Variants in IL10RB observed in about 807,000 individuals in gnomAD.
IL10RB encodes the protein interleukin-10 receptor subunit beta.
IL10RB carries 30 observed loss-of-function variants against 38.7 expected under a neutral mutation model. The ratio of observed to expected loss-of-function variants is 0.78; its 90% confidence interval spans 0.58 to 1.05. The LOEUF (loss-of-function observed/expected upper bound fraction) is 1.05, where lower values mean the gene tolerates loss of function less well. Ranked by LOEUF, IL10RB falls within the 50% of genes least tolerant of loss-of-function variation. IL10RB has a pLI of 0.00. For synonymous variants in IL10RB, 142 were observed against 145.9 expected (o/e 0.97, Z 0.19); for missense variants, 328 against 397.1 (o/e 0.83, Z 1.48).
chr21:33,307,509 C>G (rs1234357807), intron 1 of IL10RB, among the ~76,000 whole-genome samples: 4 of 152,154 alleles, frequency 2.6e-5, no homozygotes, highest in Non-Finnish European at 5.9e-5. Context: ...AATAAACCAC[C>G]CTTTACCGAC....
chr21:33,299,419 C>G (rs1251634065), downstream of IL10RB, among the ~76,000 whole-genome samples: 3 of 152,186 alleles, frequency 2.0e-5, no homozygotes, highest in Non-Finnish European at 4.4e-5. Context: ...AAACATATGT[C>G]CAGTTGGTTT....
intron 1 of IL10RB, among the ~76,000 whole-genome samples, chr21:33,303,523 T>C (rs1260589144): frequency 6.6e-6 from 1 of 152,050 alleles, no homozygotes; most frequent in Admixed American, 6.6e-5. Context: ...CCTAGCTAAC[T>C]TTTGTATTTT....
intron 6 of IL10RB, among the ~76,000 whole-genome samples, chr21:33,295,225 G>T (rs557656296): frequency 3.9e-5 from 6 of 152,236 alleles, no homozygotes; most frequent in Non-Finnish European, 8.8e-5. Flanking sequence ...AGGCAAGGTG[G>T]TGGGCGCCTA....
At chr21:33,280,380 C>T (rs1479709517) in intron 4 of IL10RB, among the ~76,000 whole-genome samples, 1 of 152,160 alleles carries the variant, frequency 6.6e-6, no homozygotes, top group African/African-American at 2.4e-5. Flanking sequence ...CGGAATATCA[C>T]CCGTGCCACC....
chr21:33,270,795 C>T (rs1266524168), intron 2 of IL10RB, among the ~76,000 whole-genome samples: 1 of 152,048 alleles, frequency 6.6e-6, no homozygotes, highest in Non-Finnish European at 1.5e-5. Context: ...CTGCCTCAGC[C>T]TCCTGAGTAG....
At chr21:33,276,567 CTGAT>C in intron 2 of IL10RB, 25 bp from the exon 3 acceptor site, 1 of 1,604,406 alleles carries the variant, frequency 6.2e-7, no homozygotes, top group Non-Finnish European at 8.5e-7. Flanking sequence ...CAGAACTCTC[CTGAT>C]TGACCTATCT....
downstream of IL10RB, among the ~76,000 whole-genome samples, chr21:33,298,895 TC>T (rs1202609511): frequency 8.5e-5 from 13 of 152,284 alleles, no homozygotes; most frequent in Admixed American, 2.6e-4. Context: ...TCCTCCCTTC[TC>T]TTTGTCGTCA....
chr21:33,307,408 C>G (rs2083001415), intron 1 of IL10RB, among the ~76,000 whole-genome samples: 1 of 152,188 alleles, frequency 6.6e-6, no homozygotes, highest in African/African-American at 2.4e-5. Flanking sequence ...CTCTTTCCCT[C>G]TAGTATATAA....
intron 1 of IL10RB, among the ~76,000 whole-genome samples, chr21:33,267,501 TG>T (rs139798169): frequency 1.4e-4 from 17 of 121,990 alleles, no homozygotes; most frequent in African/African-American, 4.2e-4. Context: ...TTTGTTTGTT[TG>T]TTTTTTTGTT....
At chr21:33,286,024 C>T (rs1183965264) in intron 5 of IL10RB, among the ~76,000 whole-genome samples, 6 of 152,112 alleles carry the variant, frequency 3.9e-5, no homozygotes, top group African/African-American at 9.7e-5. Flanking sequence ...TGCTGAAACC[C>T]GCAAGGACAG....
chr21:33,282,225 A>C (rs182406927), intron 4 of IL10RB, among the ~76,000 whole-genome samples: 10 of 152,218 alleles, frequency 6.6e-5, no homozygotes, highest in Non-Finnish European at 1.0e-4. Context: ...AACGACCCCA[A>C]CCCCAAAAAA....
chr21:33,270,793 G>C (rs1989064867), intron 2 of IL10RB, among the ~76,000 whole-genome samples: 1 of 151,756 alleles, frequency 6.6e-6, no homozygotes, highest in Non-Finnish European at 1.5e-5. Flanking sequence ...TCCTGCCTCA[G>C]CCTCCTGAGT....
chr21:33,292,475 G>A (rs1330919297), intron 6 of IL10RB, among the ~76,000 whole-genome samples: 1 of 152,108 alleles, frequency 6.6e-6, no homozygotes, highest in Non-Finnish European at 1.5e-5. Flanking sequence ...CAGGGGTAGA[G>A]GGGACAGGAG....
chr21:33,267,634 G>T (rs560933389), intron 1 of IL10RB, among the ~76,000 whole-genome samples: 1 of 151,042 alleles, frequency 6.6e-6, no homozygotes, highest in African/African-American at 2.4e-5. Flanking sequence ...TCCTCCCTCA[G>T]CCTCCCGAGT....
chr21:33,290,462 G>T (rs745795246), intron 6 of IL10RB, among the ~76,000 whole-genome samples: 1 of 152,196 alleles, frequency 6.6e-6, no homozygotes, highest in Non-Finnish European at 1.5e-5. Context: ...GCCTTTGTTT[G>T]CTGGCCCTGC....
chr21:33,292,339 G>A (rs902309259), intron 6 of IL10RB, among the ~76,000 whole-genome samples: 1 of 152,186 alleles, frequency 6.6e-6, no homozygotes, highest in Non-Finnish European at 1.5e-5. Context: ...GCCACTTTCG[G>A]TGTGTGCCCA....
At chr21:33,307,593 C>T (rs1474188094) in intron 1 of IL10RB, among the ~76,000 whole-genome samples, 2 of 152,128 alleles carry the variant, frequency 1.3e-5, no homozygotes, top group Admixed American at 1.3e-4. Context: ...GCATATAGGG[C>T]CCTTTCACGG....
intron 6 of IL10RB, 131 bp downstream of exon 6, chr21:33,288,392 CACACACACACACAG>C: frequency 5.7e-6 from 4 of 706,494 alleles, no homozygotes; most frequent in Non-Finnish European, 1.0e-5. Context: ...CACACACACA[CACACACACACACAG>C]ACACGCCTCT....
At chr21:33,271,085 C>T (rs1989071262) in intron 2 of IL10RB, among the ~76,000 whole-genome samples, 1 of 152,180 alleles carries the variant, frequency 6.6e-6, no homozygotes, top group Non-Finnish European at 1.5e-5. Flanking sequence ...GTATCCACAC[C>T]TGGGTTCCAG....
Sources: allele counts gnomAD v4.1 joint callset (sites outside exome capture counted in the v4.1 genomes callset), GRCh38; gene constraint gnomAD v4.1.1; transcripts MANE v1.5; gene names NCBI Gene and HGNC (gene_info 2026-07-23, HGNC 2026-07-21).